The following MGAT4C variants were observed in gnomAD, a reference collection of about 807,000 sequenced individuals.
MGAT4C encodes MGAT4 family member C.
MGAT4C carries 19 observed loss-of-function variants against 40.1 expected under a neutral mutation model. The ratio of observed to expected loss-of-function variants is 0.47; its 90% CI spans 0.33 to 0.70. The LOEUF (loss-of-function observed/expected upper bound fraction) is 0.70, where lower values mean the gene tolerates loss of function less well. Among genes scored for constraint, MGAT4C ranks in the 30% least tolerant of loss-of-function variants. MGAT4C has a pLI of 0.02. For synonymous variants in MGAT4C, 181 were observed against 187.1 expected (o/e 0.97, Z 0.27); for missense variants, 491 against 563.2 (o/e 0.87, Z 1.30).
chr12:86,364,169 C>A (rs993869254), intron 3 of MGAT4C, among the ~76,000 whole-genome samples: 3 of 151,882 alleles, frequency 2.0e-5, no homozygotes, highest in African/African-American at 7.3e-5. Flanking sequence ...AGAACCTCTT[C>A]CAGAAAATTA....
intron 1 of MGAT4C, among the ~76,000 whole-genome samples, chr12:86,208,863 G>A (rs1950355362): frequency 6.6e-6 from 1 of 152,004 alleles, no homozygotes; most frequent in Admixed American, 6.6e-5. Context: ...ATTTACTTAA[G>A]TAACTAATAA....
At chr12:85,983,701 T>A in intron 3 of MGAT4C, 31 bp from the exon 4 acceptor site, 1 of 1,484,164 alleles carries the variant, frequency 6.7e-7, no homozygotes, top group Non-Finnish European at 9.1e-7. Flanking sequence ...AAGGAAAATA[T>A]ATAAATAATA....
rs552036280 is a variant in MGAT4C at position 86,624,734 on chromosome 12, A to G, written c.-229+102475T>C. On this transcript the variant is annotated intron_variant, in intron 2 of 7. Transcript: ENST00000548651. ...TTATTTTAAATGTGCAGTTTTCAGC[A>G]GCAACAACAATCATAAGAAAAGCAC... is the stretch of plus-strand genomic sequence containing the variant. Among the ~76,000 whole-genome samples the G allele has an allele frequency of 9.2e-5, 14 of 152,232 alleles. No homozygotes were observed. The East Asian group carries it at 2.7e-3, about 30-fold the overall frequency.
chr12:86,512,232 C>G (rs1958600591), intron 2 of MGAT4C, among the ~76,000 whole-genome samples: 1 of 152,014 alleles, frequency 6.6e-6, no homozygotes, highest in Admixed American at 6.6e-5. Context: ...TCACCTTACA[C>G]CTGTTAGGAC....
In MGAT4C at chr12:86,042,077, T is replaced by A. The variant is rs1592759738; in HGVS notation, c.-7+7597A>T. ...TACCATTATGTAATACGCTTCTTTG[T>A]CTTTTTTGAACTTTGTTGGTTTAAA... On this transcript the variant is annotated intron_variant, in intron 2 of 4. Coordinates refer to ENST00000611864, the MANE Select transcript of MGAT4C (RefSeq NM_001351288.2). 3.3e-5 allele frequency among the ~76,000 whole-genome samples: 5 copies of A among 152,346 alleles called. No homozygotes were observed. The South Asian group carries it at 8.3e-4, about 25-fold the overall frequency.
rs78342364 is a variant in MGAT4C at position 86,555,302 on chromosome 12, C to T, written c.-228-120037G>A. Among the ~76,000 whole-genome samples, 11 of 152,232 alleles carry T rather than the reference C, an allele frequency of 7.2e-5. No homozygotes were observed. The East Asian group carries it at 2.1e-3, about 29-fold the overall frequency. On this transcript the variant is annotated intron_variant, in intron 2 of 7. Coordinates refer to the MGAT4C transcript ENST00000548651. ...AGACAGTAATTGTCCTGAAATGATACTGTATTAATTTTAAAGATTATTGTT... is the reference window on the plus strand; with the variant it reads ...AGACAGTAATTGTCCTGAAATGATATTGTATTAATTTTAAAGATTATTGTT...
intron 1 of MGAT4C, among the ~76,000 whole-genome samples, chr12:86,729,501 A>T (rs762150057): frequency 1.1e-4 from 17 of 152,106 alleles, no homozygotes; most frequent in South Asian, 2.1e-4. Flanking sequence ...AATTCTAAAG[A>T]TTTTCCTAGG....
chr12:86,536,918 T>C lies in MGAT4C; in HGVS notation c.-228-101653A>G, dbSNP rs577858583. Among the ~76,000 whole-genome samples, 178 of 152,274 alleles carry C rather than the reference T, an allele frequency of 1.2e-3. 2 individuals are homozygous for C. The highest frequency in any genetic ancestry group is 0.01 in the Middle Eastern group (3 of 294). On this transcript the variant is annotated intron_variant, in intron 2 of 7. Transcript: ENST00000548651. ...ATGCTGCTATAAAGACACATGCACA[T>C]ATATGTTTATTGAGGCACTATTCAC...
At chr12:86,500,760 C>T (rs1958325860) in intron 2 of MGAT4C, among the ~76,000 whole-genome samples, 1 of 151,800 alleles carries the variant, frequency 6.6e-6, no homozygotes, top group Non-Finnish European at 1.5e-5. Context: ...TAACTGGATA[C>T]AGACATTACA....
chr12:86,386,449 TG>T (rs1956054236), intron 3 of MGAT4C, among the ~76,000 whole-genome samples: 1 of 152,220 alleles, frequency 6.6e-6, no homozygotes, highest in African/African-American at 2.4e-5. Context: ...TGCTCACTGA[TG>T]AATAAGCTTC....
chr12:86,676,728 A>G (rs557704706), intron 2 of MGAT4C, among the ~76,000 whole-genome samples: 20 of 152,252 alleles, frequency 1.3e-4, no homozygotes, highest in African/African-American at 4.3e-4. Context: ...TGTCAGTGCT[A>G]TGGTACCCAG....
chr12:86,043,683 C>A (rs183497961), intron 2 of MGAT4C, among the ~76,000 whole-genome samples: 1 of 152,218 alleles, frequency 6.6e-6, no homozygotes, highest in Non-Finnish European at 1.5e-5. Context: ...AGTTGACACT[C>A]GATATTAACC....
At chr12:86,460,446 T>C (rs930834516) in intron 2 of MGAT4C, among the ~76,000 whole-genome samples, 12 of 152,172 alleles carry the variant, frequency 7.9e-5, no homozygotes, top group South Asian at 2.1e-4. Flanking sequence ...GTTAGGCAAA[T>C]TGTTGTAAGT....
chr12:86,533,056 A>T (rs1959010670), intron 2 of MGAT4C, among the ~76,000 whole-genome samples: 1 of 152,084 alleles, frequency 6.6e-6, no homozygotes, highest in Admixed American at 6.6e-5. Context: ...CAGATAGGTT[A>T]TATAATTTCT....
chr12:86,681,603 A>G (rs971086727), intron 2 of MGAT4C, among the ~76,000 whole-genome samples: 22 of 152,024 alleles, frequency 1.4e-4, no homozygotes, highest in Admixed American at 1.3e-3. Context: ...GAAATTTTCA[A>G]TCTTCTAAAG....
At chr12:86,041,817 G>C (rs1891878886) in intron 2 of MGAT4C, among the ~76,000 whole-genome samples, 2 of 152,150 alleles carry the variant, frequency 1.3e-5, no homozygotes, top group African/African-American at 2.4e-5. Flanking sequence ...GGAGAGTTCT[G>C]TAGGTGTCTA....
rs1160403146 is a variant in MGAT4C, at chr12:85,956,916, C to T, written c.*22373G>A. 1.3e-5 allele frequency: 2 copies of T among 152,044 alleles called. No individual in the cohort carries two copies. Among genetic ancestry groups the T allele is most frequent in the Non-Finnish European group, 2.9e-5 (2 of 68,004 alleles). 9.4% of individuals were successfully genotyped at this position (152,044 alleles called of 1,614,324 possible). A position where few individuals can be genotyped will look rare whatever the true frequency, so the allele number is the denominator to read the frequency against. On this transcript the variant is annotated 3_prime_UTR_variant, in exon 5 of 5. Coordinates refer to ENST00000611864, the MANE Select transcript of MGAT4C (RefSeq NM_001351288.2). Reference sequence around the variant, plus strand: ...AATTGACACAAGCACAGAAATACACCAATAAGCACATACCAAAGTCAATTC... The same window carrying T: ...AATTGACACAAGCACAGAAATACACTAATAAGCACATACCAAAGTCAATTC...
At chr12:86,198,416 AT>A (rs981673263) in intron 1 of MGAT4C, among the ~76,000 whole-genome samples, 3 of 152,254 alleles carry the variant, frequency 2.0e-5, no homozygotes, top group African/African-American at 4.8e-5. Flanking sequence ...TTACATTTGC[AT>A]TTTTTAGTAA....
intron 2 of MGAT4C, among the ~76,000 whole-genome samples, chr12:86,010,603 G>A (rs990688087): frequency 5.3e-5 from 8 of 152,120 alleles, no homozygotes; most frequent in East Asian, 1.9e-4. Flanking sequence ...GCTTGAAACC[G>A]GGAGGCGGAG....
Sources: gnomAD v4.1 joint callset for allele counts (sites outside exome capture counted in the v4.1 genomes callset) on GRCh38, gnomAD v4.1.1 for gene constraint, MANE v1.5 for transcripts, NCBI Gene and HGNC (gene_info 2026-07-23, HGNC 2026-07-21) for gene names.